Variants in OPHN1 observed in about 807,000 individuals in gnomAD.
OPHN1 encodes the protein oligophrenin 1.
OPHN1 carries 11 observed loss-of-function variants against 60.7 expected under a neutral mutation model. The observed-to-expected ratio is 0.18, with a 90% confidence interval of 0.11 to 0.30. The LOEUF is 0.30. Ranked by LOEUF, OPHN1 falls within the 10% of genes least tolerant of loss-of-function variation. The pLI, the probability that OPHN1 is intolerant of heterozygous loss-of-function variation, is 1.00. For missense variants in OPHN1, 449 were observed against 611.0 expected, an observed-to-expected ratio of 0.73 and a Z score of 2.80; for synonymous variants, 226 against 222.6, an observed-to-expected ratio of 1.02 and a Z score of -0.14.
rs751994082 is a variant in OPHN1 at position 68,089,179 on chromosome X, G to A, written c.1686+7691C>T. ...CCAAAGTACACCTATCTGGCCCTCTGGCACACTGGCCCCAGTCTTACTGTA... is the reference window on the plus strand; with the variant it reads ...CCAAAGTACACCTATCTGGCCCTCTAGCACACTGGCCCCAGTCTTACTGTA... On this transcript the variant is annotated intron_variant, in intron 19 of 24. Transcript: ENST00000355520. Among the ~76,000 whole-genome samples the A allele has an allele frequency of 1.2e-3, 138 of 111,421 alleles. 1 individual carries two copies. Among genetic ancestry groups the A allele is most frequent in the African/African-American group, 4.3e-3 (132 of 30,684 alleles).
Position 68,053,700 on chromosome X carries a change from G to C in OPHN1, c.2269C>G (p.Pro757Ala). Reference sequence around the variant, plus strand: ...GCCACAATATCTGGCTTTGGTTCTGGCTTTTGGGGAGTAGCTGCCCGGCAG... The same window carrying C: ...GCCACAATATCTGGCTTTGGTTCTGCCTTTTGGGGAGTAGCTGCCCGGCAG... ...PPCRAATPQK[P>A]EPKPDIVAGN... Residue 757 changes from proline (P) to alanine (A), a missense_variant, in exon 22 of 25, where the codon CCA becomes GCA. Coordinates refer to ENST00000355520, the MANE Select transcript of OPHN1 (RefSeq NM_002547.3). The C allele has an allele frequency of 8.3e-7, 1 of 1,211,385 alleles. No homozygotes were observed. Among genetic ancestry groups the C allele is most frequent in the Non-Finnish European group, 1.1e-6 (1 of 895,351 alleles).
intron 15 of OPHN1, among the ~76,000 whole-genome samples, chrX:68,127,906 C>T (rs1349414550): frequency 1.8e-5 from 2 of 111,409 alleles, no homozygotes; most frequent in African/African-American, 6.5e-5. Flanking sequence ...TAATGAACAG[C>T]AAAGGTGGTG....
rs752074450 is a variant in OPHN1 at position 68,107,442 on chromosome X, T to C, written c.1526+4412A>G. ...GAATTAATTTGATTCAGGCTACGTA[T>C]TTTTGGCAAAAATATTTCACAGTTA... On this transcript the variant is annotated intron_variant, in intron 18 of 24. Transcript: ENST00000355520. 6.6e-4 allele frequency among the ~76,000 whole-genome samples: 74 copies of C among 111,916 alleles called. 1 individual carries two copies. The highest frequency in any genetic ancestry group is 2.3e-3 in the African/African-American group (71 of 30,854).
At chrX:68,355,803 G>A (rs113279041) in intron 2 of OPHN1, among the ~76,000 whole-genome samples, 1,381 of 111,782 alleles carry the variant, frequency 0.012, 22 homozygotes, top group African/African-American at 0.043. Context: ...TTGGGAGGCC[G>A]AGGTGGGCGG....
At chrX:68,365,479 C>T (rs774604699) in intron 2 of OPHN1, among the ~76,000 whole-genome samples, 12 of 111,210 alleles carry the variant, frequency 1.1e-4, no homozygotes, top group Non-Finnish European at 3.8e-5. Context: ...CCAGCTGACA[C>T]GAGGCAATTA....
intron 19 of OPHN1, among the ~76,000 whole-genome samples, chrX:68,085,649 C>G (rs1364917126): frequency 8.9e-6 from 1 of 111,990 alleles, no homozygotes; most frequent in Non-Finnish European, 1.9e-5. Context: ...GAAAACTCCA[C>G]AGTTTCTATT....
chrX:68,077,293 T>A (rs182448571), intron 19 of OPHN1, among the ~76,000 whole-genome samples: 1 of 111,285 alleles, frequency 9.0e-6, no homozygotes, highest in Admixed American at 9.6e-5. Flanking sequence ...GTAGTAGCAA[T>A]CATGATTTTA....
At chrX:68,195,618 G>A (rs752297055) in intron 12 of OPHN1, among the ~76,000 whole-genome samples, 1 of 112,007 alleles carries the variant, frequency 8.9e-6, no homozygotes, top group Non-Finnish European at 1.9e-5. Flanking sequence ...CTAGTGAACT[G>A]GAGTGTTTAG....
intron 2 of OPHN1, among the ~76,000 whole-genome samples, chrX:68,402,611 T>G (rs1406269451): frequency 8.9e-6 from 1 of 112,112 alleles, no homozygotes; most frequent in Admixed American, 9.5e-5. Context: ...AAAGAAATCT[T>G]ATTGCATATC....
chrX:68,253,330 A>G (rs2147552835), intron 5 of OPHN1, among the ~76,000 whole-genome samples: 1 of 112,026 alleles, frequency 8.9e-6, no homozygotes, highest in Admixed American at 9.5e-5. Context: ...ATGAGGGCCA[A>G]GACATTGGGT....
At chrX:68,193,014 G>GT in intron 14 of OPHN1, 21 bp from the exon 15 acceptor site, 1 of 1,158,226 alleles carries the variant, frequency 8.6e-7, no homozygotes, top group South Asian at 1.8e-5. Context: ...AAAAAATCAG[G>GT]TTAATTTCAC....
At chrX:68,299,228 A>G in intron 2 of OPHN1, 132 bp from the exon 3 acceptor site, 2 of 394,796 alleles carry the variant, frequency 5.1e-6, no homozygotes, top group Non-Finnish European at 9.5e-6. Flanking sequence ...CATTTAATGA[A>G]ATAAAACAAA....
chrX:68,365,054 T>C (rs748784683), intron 2 of OPHN1, among the ~76,000 whole-genome samples: 9 of 112,313 alleles, frequency 8.0e-5, no homozygotes, highest in Non-Finnish European at 1.7e-4. Flanking sequence ...CTATGATAAC[T>C]GCTCCATGTG....
At chrX:68,353,655 G>A (rs59340225) in intron 2 of OPHN1, among the ~76,000 whole-genome samples, 9,251 of 110,961 alleles carry the variant, frequency 0.083, 953 homozygotes, top group African/African-American at 0.29. Context: ...AAATGCTTTT[G>A]TAGAATATTA....
chrX:68,169,216 C>A (rs1193482100), intron 15 of OPHN1, among the ~76,000 whole-genome samples: 1 of 111,309 alleles, frequency 9.0e-6, no homozygotes, highest in Non-Finnish European at 1.9e-5. Context: ...AGGAATCCAA[C>A]TTACAAGGGA....
At chrX:68,281,736 T>C (rs1266236982) in intron 4 of OPHN1, among the ~76,000 whole-genome samples, 1 of 112,304 alleles carries the variant, frequency 8.9e-6, no homozygotes, top group Non-Finnish European at 1.9e-5. Context: ...AGAAAATCAA[T>C]TTAATAATAG....
At chrX:68,388,416 C>T (rs1196430097) in intron 2 of OPHN1, among the ~76,000 whole-genome samples, 2 of 105,203 alleles carry the variant, frequency 1.9e-5, no homozygotes, top group African/African-American at 7.0e-5. Context: ...GCCGAGATCG[C>T]CCCACTGCAC....
At chrX:68,138,208 TA>T (rs1368442655) in intron 15 of OPHN1, among the ~76,000 whole-genome samples, 2 of 112,160 alleles carry the variant, frequency 1.8e-5, no homozygotes, top group Non-Finnish European at 3.8e-5. Flanking sequence ...GAAACCAGCA[TA>T]AACTACATAA....
At chrX:68,192,856 A>G (rs1230922995) in intron 15 of OPHN1, 63 bp downstream of exon 15, 18 of 882,160 alleles carry the variant, frequency 2.0e-5, no homozygotes, top group Non-Finnish European at 3.0e-5. Context: ...TTTCTCTTCC[A>G]GTCACATTTC....
Sources: allele counts gnomAD v4.1 joint callset (sites outside exome capture counted in the v4.1 genomes callset), GRCh38; gene constraint gnomAD v4.1.1; transcripts MANE v1.5; gene names NCBI Gene and HGNC (gene_info 2026-07-23, HGNC 2026-07-21).